The following CMBL variants were observed in gnomAD, a reference collection of about 807,000 sequenced individuals.
CMBL encodes carboxymethylenebutenolidase homolog, also known as carboxymethylenebutenolidase homolog (Pseudomonas).
Under a neutral mutation model 28.7 loss-of-function variants are expected in CMBL, and 17 were observed. The observed-to-expected ratio is 0.59, with a 90% CI of 0.41 to 0.89. The LOEUF (loss-of-function observed/expected upper bound fraction) is 0.89. Ranked by LOEUF, CMBL falls within the 40% of genes least tolerant of loss-of-function variation. The probability of loss-of-function intolerance (pLI) is 0.00; values close to 1 mark genes in which losing one functional copy is unlikely to be tolerated. For missense variants in CMBL, 310 were observed against 298.5 expected, an observed-to-expected ratio of 1.04 and a Z score of -0.28; for synonymous variants, 106 against 101.6, an observed-to-expected ratio of 1.04 and a Z score of -0.26.
chr5:10,280,703 G>A (rs545295782), intron 5 of CMBL, 71 bp from the exon 6 acceptor site: 70 of 1,277,568 alleles, frequency 5.5e-5, no homozygotes, highest in Admixed American at 2.4e-4. Context: ...TTTAGTGAGC[G>A]TTCATAACAG....
In CMBL at chr5:10,278,762, G is replaced by A. The variant is rs558343788; in HGVS notation, c.*1691C>T. On this transcript the variant is annotated 3_prime_UTR_variant, in exon 6 of 6. Coordinates refer to ENST00000296658, the MANE Select transcript of CMBL (RefSeq NM_138809.4). The stretch of plus-strand genomic sequence containing the variant: ...ACTTCTTTCCCGGTCAGGGCTCTCC[G>A]GGAGAGTGGCTGTCTCAGTAGGAAT... 2.0e-5 allele frequency among the ~76,000 whole-genome samples: 3 copies of A among 152,160 alleles called. No homozygotes were observed. The highest frequency in any genetic ancestry group is 4.8e-5 in the African/African-American group (2 of 41,522).
rs1046572907 is a variant in CMBL, at chr5:10,277,907, T to C, written c.*2546A>G. Among the ~76,000 whole-genome samples, 1 of 152,228 alleles carries C rather than the reference T, an allele frequency of 6.6e-6. No individual in the cohort carries two copies. Among genetic ancestry groups the C allele is most frequent in the Admixed American group, 6.5e-5 (1 of 15,284 alleles). ...ACGAATTTCAGACCTCCCACCTATG[T>C]TGAAGACTCTGGCTACTGGCCACAT... On this transcript the variant is annotated 3_prime_UTR_variant, in exon 6 of 6. Transcript: ENST00000296658.
At chr5:10,290,299 T>G (rs934442259) in intron 2 of CMBL, 1 of 507,018 alleles carries the variant, frequency 2.0e-6, no homozygotes, top group Non-Finnish European at 3.6e-6. Context: ...ATTCTCAATG[T>G]CCAGCAAGTC....
chr5:10,306,309 G>A (rs1210058906), intron 1 of CMBL, among the ~76,000 whole-genome samples: 2 of 152,264 alleles, frequency 1.3e-5, no homozygotes, highest in African/African-American at 4.8e-5. Context: ...ATTATAACAA[G>A]CAGGGAAGTC....
At chr5:10,285,482 G>C (rs1243984762) in intron 4 of CMBL, among the ~76,000 whole-genome samples, 2 of 151,754 alleles carry the variant, frequency 1.3e-5, no homozygotes, top group African/African-American at 2.4e-5. Flanking sequence ...ATTTTTTATA[G>C]AGACAAGGTC....
chr5:10,305,642 G>A (rs1015102304), intron 1 of CMBL, among the ~76,000 whole-genome samples: 10 of 152,168 alleles, frequency 6.6e-5, no homozygotes, highest in South Asian at 2.1e-4. Context: ...TGCAATCTCC[G>A]CTCACTGCAA....
rs1004491389 is a variant in CMBL at position 10,280,335 on chromosome 5, C to T, written c.*118G>A. 1.4e-6 allele frequency: 1 copy of T among 709,116 alleles called. No homozygotes were observed. The highest frequency in any genetic ancestry group is 2.9e-5 in the Admixed American group (1 of 34,288). 43.9% of individuals were successfully genotyped at this position (709,116 alleles called of 1,614,324 possible). A position where few individuals can be genotyped will look rare whatever the true frequency, so the allele number is the denominator to read the frequency against. The stretch of plus-strand genomic sequence containing the variant: ...GAATTTGTGTTTCAAATGAAATAAT[C>T]AATTTTAGGATTCCTACACTTATTT... On this transcript the variant is annotated 3_prime_UTR_variant, in exon 6 of 6. Coordinates refer to ENST00000296658, the MANE Select transcript of CMBL (RefSeq NM_138809.4).
In CMBL at chr5:10,280,429, A is replaced by G. The variant is rs190987855; in HGVS notation, c.*24T>C. The G allele has an allele frequency of 3.2e-4, 492 of 1,544,382 alleles. 1 individual carries two copies. In the East Asian group the frequency reaches 0.01, roughly 32 times the overall value. ...CAAATTTTGGGATGAAAGCTATTCT[A>G]GGAAGGCTTGCCCTTGATTCTTGCT... On this transcript the variant is annotated 3_prime_UTR_variant, in exon 6 of 6. Coordinates refer to ENST00000296658, the MANE Select transcript of CMBL (RefSeq NM_138809.4).
chr5:10,301,146 T>C (rs1363075566), intron 1 of CMBL, among the ~76,000 whole-genome samples: 5 of 152,100 alleles, frequency 3.3e-5, no homozygotes, highest in Admixed American at 3.3e-4. Context: ...TAAAAAGTTT[T>C]GATTTGAAGT....
rs959115765 is a variant in CMBL at position 10,280,156 on chromosome 5, C to G, written c.*297G>C. ...GTCTCACCATGTTGGCCAGGCTGGT[C>G]TCAAACTCCTGACCTCAGGTGATCC... On this transcript the variant is annotated 3_prime_UTR_variant, in exon 6 of 6. Transcript: ENST00000296658. 2 of 207,202 alleles carry G rather than the reference C, an allele frequency of 9.7e-6. No homozygotes were observed. Among genetic ancestry groups the G allele is most frequent in the East Asian group, 1.1e-4 (1 of 9,160 alleles). The allele number at this position is 207,202 out of a possible 1,614,324, so 12.8% of individuals were successfully genotyped here. A position where few individuals can be genotyped will look rare whatever the true frequency, so the allele number is the denominator to read the frequency against.
Position 10,290,782 on chromosome 5 carries a change from C to G in CMBL, c.-19-1G>C, listed in dbSNP as rs757066254. 1.2e-6 allele frequency: 2 copies of G among 1,602,822 alleles called. No homozygotes were observed. The highest frequency in any genetic ancestry group is 2.2e-5 in the South Asian group (2 of 90,860). On this transcript the variant is annotated splice_acceptor_variant, in intron 1 of 5. Transcript: ENST00000296658. LOFTEE classifies it low-confidence loss of function (5UTR_SPLICE). ...AGCCATTGCAGAGATTTAAGTCGGG[C>G]TATGGAGAGAGAAACATGCGTTATA...
At chr5:10,280,677 T>A in intron 5 of CMBL, 45 bp from the exon 6 acceptor site, 1 of 1,504,032 alleles carries the variant, frequency 6.6e-7, no homozygotes, top group South Asian at 1.2e-5. Flanking sequence ...TAGTGATACT[T>A]TCCATTCTCC....
intron 5 of CMBL, among the ~76,000 whole-genome samples, chr5:10,281,148 T>C (rs1430448220): frequency 2.0e-5 from 3 of 152,262 alleles, no homozygotes; most frequent in African/African-American, 7.2e-5. Context: ...GGAAAAATGA[T>C]ACATCTATTA....
chr5:10,283,267 G>A (rs1283176553), intron 4 of CMBL, among the ~76,000 whole-genome samples: 3 of 152,164 alleles, frequency 2.0e-5, no homozygotes, highest in Non-Finnish European at 4.4e-5. Context: ...ATGTCCCGCT[G>A]GGATGTACCT....
chr5:10,295,138 T>C (rs1022144813), intron 1 of CMBL, among the ~76,000 whole-genome samples: 3 of 151,606 alleles, frequency 2.0e-5, no homozygotes, highest in Non-Finnish European at 2.9e-5. Context: ...GGCTGGAGCG[T>C]AGTGGCATGA....
intron 1 of CMBL, among the ~76,000 whole-genome samples, chr5:10,302,020 TCTC>T (rs997192163): frequency 1.3e-5 from 2 of 152,178 alleles, no homozygotes. Context: ...GCAAGGTTAT[TCTC>T]CTACAGGAGA....
intron 1 of CMBL, among the ~76,000 whole-genome samples, chr5:10,306,777 C>T (rs1747008173): frequency 6.6e-6 from 1 of 152,152 alleles, no homozygotes; most frequent in Non-Finnish European, 1.5e-5. Flanking sequence ...GTCGAGATAG[C>T]ATGAATTAGG....
chr5:10,284,885 A>T (rs1181134027), intron 4 of CMBL, among the ~76,000 whole-genome samples: 2 of 152,204 alleles, frequency 1.3e-5, no homozygotes, highest in Non-Finnish European at 2.9e-5. Context: ...CAGTTTCTAT[A>T]TACAGATATA....
At position 10,289,221 on chromosome 5, in the gene CMBL, T is replaced by A. The variant is rs1259960101; in HGVS notation, c.216-692A>T. Among the ~76,000 whole-genome samples, 11 of 151,992 alleles carry A rather than the reference T, an allele frequency of 7.2e-5. No homozygotes were observed. Among genetic ancestry groups the A allele is most frequent in the Non-Finnish European group, 8.8e-5 (6 of 67,998 alleles). ...GAACACTGAAACTGGAGTGAGAAAA[T>A]CCAAGTTCGAGGCTCGGTACACCCC... On this transcript the variant is annotated intron_variant, in intron 2 of 5. Transcript: ENST00000296658. This position sits in a 1 kb window ranked among gnomAD's most constrained non-coding sequence, Gnocchi z 4.3.
Sources: allele counts gnomAD v4.1 joint callset (sites outside exome capture counted in the v4.1 genomes callset), GRCh38; gene constraint gnomAD v4.1.1; non-coding constraint Gnocchi (gnomAD v3.1); transcripts MANE v1.5; gene names NCBI Gene and HGNC (gene_info 2026-07-23, HGNC 2026-07-21).